The following SNX29 variants were observed in gnomAD, a reference collection of about 807,000 sequenced individuals.
SNX29 encodes the protein sorting nexin 29.
SNX29 carries 78 observed loss-of-function variants against 102.1 expected under a neutral mutation model. The observed-to-expected ratio is 0.76, with a 90% CI of 0.64 to 0.92. The LOEUF is 0.92. SNX29 is among the 40% of genes least tolerant of loss of function. The pLI, the probability that SNX29 is intolerant of heterozygous loss-of-function variation, is 0.00. For missense variants in SNX29, 1,280 were observed against 1,061.7 expected, an observed-to-expected ratio of 1.21 and a Z score of -2.86; for synonymous variants, 580 against 414.5, an observed-to-expected ratio of 1.40 and a Z score of -4.85.
chr16:12,354,457 C>T (rs1454203618), intron 15 of SNX29, among the ~76,000 whole-genome samples: 1 of 152,160 alleles, frequency 6.6e-6, no homozygotes, highest in East Asian at 1.9e-4. Flanking sequence ...GGATCTGGGA[C>T]GTTTCGGTGT....
intron 15 of SNX29, among the ~76,000 whole-genome samples, chr16:12,345,076 C>T (rs918498646): frequency 2.0e-5 from 3 of 152,202 alleles, no homozygotes; most frequent in African/African-American, 7.2e-5. Context: ...ATCCATGCAG[C>T]AGAAATAAGC....
At chr16:12,013,192 C>G (rs1221295435) in intron 3 of SNX29, among the ~76,000 whole-genome samples, 1 of 151,604 alleles carries the variant, frequency 6.6e-6, no homozygotes, top group Non-Finnish European at 1.5e-5. Context: ...ACCATGGAAG[C>G]TTTGCATAAA....
rs184288699 is a variant in SNX29 at position 12,336,699 on chromosome 16, C to T, written c.1783-19464C>T. Among the ~76,000 whole-genome samples, 3 of 152,272 alleles carry T rather than the reference C, an allele frequency of 2.0e-5. No homozygotes were observed. The East Asian group carries it at 5.8e-4, about 29-fold the overall frequency. On this transcript the variant is annotated intron_variant, in intron 15 of 20. Transcript: ENST00000566228. ...GTAGCTCATGCTTGTAATCCCAGCACTTTGGGAGGCCGAAGCAGGAGGATC... is the reference window on the plus strand; with the variant it reads ...GTAGCTCATGCTTGTAATCCCAGCATTTTGGGAGGCCGAAGCAGGAGGATC...
chr16:12,558,730 T>TCAC lies in SNX29; in HGVS notation c.2319-9772_2319-9770dup, dbSNP rs201090876. ...GTTTCTACGGGGGGCTGCACAAGCC[T>TCAC]CACCACTAGGCTGTCCCAGGCCCAT... On this transcript the variant is annotated intron_variant, in intron 20 of 20. Transcript: ENST00000566228. Among the ~76,000 whole-genome samples the TCAC allele has an allele frequency of 6.5e-3, 983 of 152,334 alleles. 13 individuals carry two copies. Among genetic ancestry groups the TCAC allele is most frequent in the African/African-American group, 0.023 (946 of 41,578 alleles).
chr16:12,385,060 C>A (rs765003294), intron 16 of SNX29, among the ~76,000 whole-genome samples: 1 of 152,188 alleles, frequency 6.6e-6, no homozygotes, highest in Admixed American at 6.5e-5. Flanking sequence ...GTACTAGCTA[C>A]TTGGGAGGCA....
rs1325935969 is a variant in SNX29, at chr16:11,976,825, C to G, written c.7+12C>G. On this transcript the variant is annotated intron_variant, in intron 1 of 20. Transcript: ENST00000566228. ...AGGCACCATGAGCGGTGAGTGGCGG[C>G]CCCGCCGCTGTCACCTGCCCCGGCC... The G allele has an allele frequency of 7.3e-7, 1 of 1,373,720 alleles. No homozygotes were observed. The highest frequency in any genetic ancestry group is 1.5e-5 in the African/African-American group (1 of 66,318). The allele number at this position is 1,373,720 out of a possible 1,614,324, so 85.1% of individuals were successfully genotyped here. A position where few individuals can be genotyped will look rare whatever the true frequency, so the allele number is the denominator to read the frequency against.
chr16:12,514,473 C>G (rs1203929728), intron 19 of SNX29, among the ~76,000 whole-genome samples: 1 of 152,184 alleles, frequency 6.6e-6, no homozygotes, highest in Non-Finnish European at 1.5e-5. Flanking sequence ...AATCAGGCCT[C>G]TTGGGGCCAA....
intron 20 of SNX29, among the ~76,000 whole-genome samples, chr16:12,525,794 G>T (rs180872492): frequency 6.8e-6 from 1 of 147,880 alleles, no homozygotes; most frequent in African/African-American, 2.5e-5. Flanking sequence ...ATCTTGGCTC[G>T]AAATGTCATG....
chr16:12,173,593 G>A (rs537906315), intron 13 of SNX29, among the ~76,000 whole-genome samples: 10 of 152,204 alleles, frequency 6.6e-5, no homozygotes, highest in East Asian at 5.8e-4. Flanking sequence ...CTTCCTCTAC[G>A]TCCCAATCAG....
intron 20 of SNX29, among the ~76,000 whole-genome samples, chr16:12,562,640 T>A (rs1442986778): frequency 6.6e-6 from 1 of 152,178 alleles, no homozygotes; most frequent in African/African-American, 2.4e-5. Flanking sequence ...GGGTCTTCCC[T>A]GAGGGGCTGT....
intron 16 of SNX29, among the ~76,000 whole-genome samples, chr16:12,397,101 C>T (rs2083751145): frequency 6.6e-6 from 1 of 152,120 alleles, no homozygotes; most frequent in African/African-American, 2.4e-5. Flanking sequence ...CTGTGTTGCC[C>T]AGGCTGGTCT....
At chr16:12,160,007 C>CT (rs894941434) in intron 13 of SNX29, among the ~76,000 whole-genome samples, 8 of 152,218 alleles carry the variant, frequency 5.3e-5, no homozygotes, top group African/African-American at 1.9e-4. Context: ...TCTGGGAACT[C>CT]TAAGTAAGTC....
At chr16:12,407,585 A>G (rs964880712) in intron 18 of SNX29, among the ~76,000 whole-genome samples, 5 of 152,236 alleles carry the variant, frequency 3.3e-5, no homozygotes, top group Admixed American at 6.5e-5. Flanking sequence ...AAATACCAGT[A>G]TAATAATTAG....
intron 18 of SNX29, among the ~76,000 whole-genome samples, chr16:12,476,541 T>A (rs183039385): frequency 6.8e-6 from 1 of 147,938 alleles, no homozygotes; most frequent in Non-Finnish European, 1.5e-5. Flanking sequence ...AAGCCTTGAG[T>A]AACTGATCTG....
At chr16:12,097,877 G>C (rs528379609) in intron 11 of SNX29, among the ~76,000 whole-genome samples, 1 of 152,240 alleles carries the variant, frequency 6.6e-6, no homozygotes, top group Non-Finnish European at 1.5e-5. Flanking sequence ...AGGCGGGGGT[G>C]GTGGGGAGGC....
intron 20 of SNX29, among the ~76,000 whole-genome samples, chr16:12,562,422 A>G (rs564247515): frequency 1.3e-5 from 2 of 152,322 alleles, no homozygotes; most frequent in South Asian, 2.1e-4. Context: ...TTACCCACTT[A>G]AAGTGCACAC....
chr16:12,193,620 T>C (rs2076699798), intron 13 of SNX29, among the ~76,000 whole-genome samples: 1 of 152,216 alleles, frequency 6.6e-6, no homozygotes, highest in African/African-American at 2.4e-5. Context: ...TTCTAAACCT[T>C]TTATAGTTTT....
intron 14 of SNX29, among the ~76,000 whole-genome samples, chr16:12,273,277 A>T (rs2079145266): frequency 6.6e-6 from 1 of 151,504 alleles, no homozygotes. Flanking sequence ...CTTGAGATAT[A>T]ATGCACATAA....
intron 15 of SNX29, among the ~76,000 whole-genome samples, chr16:12,279,914 A>T (rs577180823): frequency 6.6e-6 from 1 of 152,204 alleles, no homozygotes; most frequent in Non-Finnish European, 1.5e-5. Flanking sequence ...TGAGGACTCC[A>T]TCAGACCAGT....
Sources: allele counts gnomAD v4.1 joint callset (sites outside exome capture counted in the v4.1 genomes callset), GRCh38; gene constraint gnomAD v4.1.1; transcripts MANE v1.5; gene names NCBI Gene and HGNC (gene_info 2026-07-23, HGNC 2026-07-21).